CDK8: variants seen among roughly 807,000 people sequenced by gnomAD.
CDK8 encodes the protein cyclin dependent kinase 8.
CDK8 carries 29 observed loss-of-function variants against 71.5 expected under a neutral mutation model. That is an observed-to-expected ratio of 0.41 (90% CI 0.30 to 0.55). The LOEUF (loss-of-function observed/expected upper bound fraction) is 0.55. Ranked by LOEUF, CDK8 falls within the 20% of genes least tolerant of loss-of-function variation. CDK8 has a pLI of 0.37. For synonymous variants in CDK8, 161 were observed against 192.1 expected, an observed-to-expected ratio of 0.84 and a Z score of 1.34; for missense variants, 288 against 572.6, an observed-to-expected ratio of 0.50 and a Z score of 5.07.
At chr13:26,280,998 C>T (rs1448904652) in intron 1 of CDK8, among the ~76,000 whole-genome samples, 1 of 152,238 alleles carries the variant, frequency 6.6e-6, no homozygotes, top group Non-Finnish European at 1.5e-5. Flanking sequence ...ATCTCTGGTG[C>T]TCTCTCAAAA....
intron 10 of CDK8, 95 bp downstream of exon 10, chr13:26,400,645 A>G (rs1034019267): frequency 2.6e-6 from 2 of 766,998 alleles, no homozygotes; most frequent in African/African-American, 1.7e-5. Context: ...CTCCTCTTAT[A>G]TGGGAACCCA....
intron 1 of CDK8, among the ~76,000 whole-genome samples, chr13:26,325,285 G>A (rs1874968027): frequency 6.6e-6 from 1 of 152,134 alleles, no homozygotes; most frequent in Admixed American, 6.5e-5. Context: ...TCATTTGTCA[G>A]AATGATCAAA....
chr13:26,361,229 A>G (rs1047562266), intron 4 of CDK8, among the ~76,000 whole-genome samples: 9 of 152,208 alleles, frequency 5.9e-5, no homozygotes, highest in African/African-American at 2.2e-4. Context: ...TAAGATGGCA[A>G]TGCCTACCTT....
intron 2 of CDK8, among the ~76,000 whole-genome samples, chr13:26,345,076 A>G (rs961697563): frequency 6.6e-6 from 1 of 152,170 alleles, no homozygotes; most frequent in Non-Finnish European, 1.5e-5. Context: ...GTGCTACAAT[A>G]TTATGAAGGT....
chr13:26,321,213 T>C (rs1398851772), intron 1 of CDK8, among the ~76,000 whole-genome samples: 1 of 152,132 alleles, frequency 6.6e-6, no homozygotes, highest in African/African-American at 2.4e-5. Flanking sequence ...CTTAAAAAGG[T>C]AGGAAATTCT....
intron 7 of CDK8, among the ~76,000 whole-genome samples, chr13:26,394,949 A>G (rs1875913758): frequency 6.6e-6 from 1 of 152,218 alleles, no homozygotes; most frequent in Non-Finnish European, 1.5e-5. Context: ...GATGGAGAAA[A>G]AAGGGCAGAT....
chr13:26,332,310 C>A, intron 1 of CDK8, among the ~76,000 whole-genome samples: 1 of 151,510 alleles, frequency 6.6e-6, no homozygotes, highest in East Asian at 1.9e-4. Flanking sequence ...ACAAGTGAAA[C>A]CCTATCTCTA....
chr13:26,336,529 A>G (rs1872992325), intron 1 of CDK8, among the ~76,000 whole-genome samples: 1 of 149,320 alleles, frequency 6.7e-6, no homozygotes, highest in African/African-American at 2.5e-5. Context: ...TAGGCCTCAG[A>G]TGGCATTTTC....
intron 1 of CDK8, among the ~76,000 whole-genome samples, chr13:26,276,635 A>C (rs1382894838): frequency 6.6e-6 from 1 of 152,160 alleles, no homozygotes; most frequent in Non-Finnish European, 1.5e-5. Flanking sequence ...ATCCTGATTT[A>C]TATTTTTTAA....
chr13:26,381,791 G>A (rs1452090539), intron 4 of CDK8, among the ~76,000 whole-genome samples: 1 of 151,928 alleles, frequency 6.6e-6, no homozygotes, highest in Non-Finnish European at 1.5e-5. Flanking sequence ...TCTTTGGTAG[G>A]TGATAGGCTA....
intron 1 of CDK8, among the ~76,000 whole-genome samples, chr13:26,301,159 A>G (rs982986828): frequency 6.6e-6 from 1 of 150,994 alleles, no homozygotes; most frequent in East Asian, 1.9e-4. Flanking sequence ...CGGGTTAGTC[A>G]ATCTGAGCCT....
chr13:26,260,972 A>G (rs1367198667), intron 1 of CDK8, among the ~76,000 whole-genome samples: 1 of 152,108 alleles, frequency 6.6e-6, no homozygotes, highest in East Asian at 1.9e-4. Flanking sequence ...TAAAACTCCT[A>G]CTATCCTTTC....
chr13:26,333,671 A>G (rs778175221), intron 1 of CDK8, among the ~76,000 whole-genome samples: 5 of 152,238 alleles, frequency 3.3e-5, no homozygotes, highest in Non-Finnish European at 7.3e-5. Context: ...GGCAATGTGT[A>G]TATGGTGTAT....
At chr13:26,370,333 T>C (rs1874606097) in intron 4 of CDK8, among the ~76,000 whole-genome samples, 1 of 152,222 alleles carries the variant, frequency 6.6e-6, no homozygotes, top group Non-Finnish European at 1.5e-5. Context: ...AATGTGCAGA[T>C]GATTCCATAT....
chr13:26,333,669 G>A (rs537981751), intron 1 of CDK8, among the ~76,000 whole-genome samples: 4 of 152,256 alleles, frequency 2.6e-5, no homozygotes, highest in African/African-American at 9.6e-5. Flanking sequence ...CAGGCAATGT[G>A]TATATGGTGT....
At chr13:26,355,475 T>C (rs1200033624) in intron 4 of CDK8, among the ~76,000 whole-genome samples, 1 of 151,892 alleles carries the variant, frequency 6.6e-6, no homozygotes, top group African/African-American at 2.4e-5. Context: ...ATTAGCTGGG[T>C]GTGGTGGTGG....
rs541896539 is a variant in CDK8, at chr13:26,259,203, C to T, written c.128+4434C>T. Among the ~76,000 whole-genome samples, 230 of 152,192 alleles carry T rather than the reference C, an allele frequency of 1.5e-3. 1 individual carries two copies. Among genetic ancestry groups the T allele is most frequent in the Middle Eastern group, 0.01 (3 of 294 alleles). On this transcript the variant is annotated intron_variant, in intron 1 of 12. Coordinates refer to ENST00000381527, the MANE Select transcript of CDK8 (RefSeq NM_001260.3). ...ATACAATAAAGAGTATTCCTTATAA[C>T]CTTCTAAAAATGTGACAGAAGAGGA...
intron 1 of CDK8, among the ~76,000 whole-genome samples, chr13:26,259,158 T>C (rs1248856461): frequency 6.6e-6 from 1 of 152,222 alleles, no homozygotes; most frequent in African/African-American, 2.4e-5. Flanking sequence ...ATGTAATTTC[T>C]ATCACTGGAA....
chr13:26,323,360 AGAGG>A (rs1218760167), intron 1 of CDK8, among the ~76,000 whole-genome samples: 1 of 151,086 alleles, frequency 6.6e-6, no homozygotes, highest in African/African-American at 2.4e-5. Context: ...AGGGAGAGGG[AGAGG>A]GAGAGGGAGA....
Sources: gnomAD v4.1 joint callset for allele counts (sites outside exome capture counted in the v4.1 genomes callset) on GRCh38, gnomAD v4.1.1 for gene constraint, MANE v1.5 for transcripts, NCBI Gene and HGNC (gene_info 2026-07-23, HGNC 2026-07-21) for gene names.